GALNT7: variants seen among roughly 807,000 people sequenced by gnomAD.
GALNT7 encodes the protein N-acetylgalactosaminyltransferase 7.
Under a neutral mutation model 82.1 loss-of-function variants are expected in GALNT7, and 60 were observed. That is an observed-to-expected ratio of 0.73 (90% CI 0.59 to 0.91). GALNT7 has a LOEUF of 0.91. Ranked by LOEUF, GALNT7 falls within the 40% of genes least tolerant of loss-of-function variation. The probability of loss-of-function intolerance (pLI) is 0.00; values close to 1 mark genes in which losing one functional copy is unlikely to be tolerated. For missense variants in GALNT7, 660 were observed against 804.2 expected, an observed-to-expected ratio of 0.82 and a Z score of 2.17; for synonymous variants, 243 against 275.1, an observed-to-expected ratio of 0.88 and a Z score of 1.15.
chr4:173,269,859 A>G (rs1735659564), intron 2 of GALNT7, among the ~76,000 whole-genome samples: 1 of 152,202 alleles, frequency 6.6e-6, no homozygotes, highest in South Asian at 2.1e-4. Flanking sequence ...GTCCAATTTT[A>G]TAATCATGCA....
At chr4:173,174,660 T>C (rs1320995899) in intron 1 of GALNT7, among the ~76,000 whole-genome samples, 1 of 151,924 alleles carries the variant, frequency 6.6e-6, no homozygotes, top group African/African-American at 2.4e-5. Context: ...AGAATACTGA[T>C]AACACCTGAA....
chr4:173,256,694 G>A (rs1391226605), intron 2 of GALNT7, among the ~76,000 whole-genome samples: 1 of 152,080 alleles, frequency 6.6e-6, no homozygotes, highest in Non-Finnish European at 1.5e-5. Flanking sequence ...GCCTATAATT[G>A]CACCTAAAAG....
In GALNT7 at chr4:173,320,236, A is replaced by C. The variant is rs1737758143; in HGVS notation, c.1837-1344A>C. On this transcript the variant is annotated intron_variant, in intron 11 of 11. Coordinates refer to ENST00000265000, the MANE Select transcript of GALNT7 (RefSeq NM_017423.3). This position sits in a 1 kb window ranked among gnomAD's most constrained non-coding sequence, Gnocchi z 4.1. ...TCCTCTGGATTCCCTTTACACTCTT[A>C]AAAATTTTTGAGCTCCCCCACCCCC... Among the ~76,000 whole-genome samples the C allele has an allele frequency of 6.6e-6, 1 of 152,038 alleles. No homozygotes were observed. The highest frequency in any genetic ancestry group is 1.5e-5 in the Non-Finnish European group (1 of 67,994).
At chr4:173,237,193 C>A (rs761648242) in intron 1 of GALNT7, among the ~76,000 whole-genome samples, 3 of 151,888 alleles carry the variant, frequency 2.0e-5, no homozygotes, top group Non-Finnish European at 2.9e-5. Context: ...TATTTTTTTC[C>A]CTGGGGTGGT....
chr4:173,303,334 A>G (rs1345299592), intron 7 of GALNT7, among the ~76,000 whole-genome samples: 11 of 152,320 alleles, frequency 7.2e-5, no homozygotes, highest in African/African-American at 1.9e-4. Context: ...AAAAGTACAA[A>G]GAAGAGAACA....
chr4:173,249,878 G>A (rs1050134881), intron 2 of GALNT7, among the ~76,000 whole-genome samples: 2 of 152,136 alleles, frequency 1.3e-5, no homozygotes, highest in African/African-American at 4.8e-5. Flanking sequence ...CGAGTCCCTC[G>A]TCTAGAACGT....
chr4:173,234,809 CAAAAG>C (rs1218491310), intron 1 of GALNT7, among the ~76,000 whole-genome samples: 35 of 151,920 alleles, frequency 2.3e-4, no homozygotes, highest in Admixed American at 6.6e-5. Flanking sequence ...TAAAACAAAA[CAAAAG>C]AAAACAAAAA....
At chr4:173,183,817 C>G (rs995942801) in intron 1 of GALNT7, among the ~76,000 whole-genome samples, 1 of 151,038 alleles carries the variant, frequency 6.6e-6, no homozygotes, top group Non-Finnish European at 1.5e-5. Context: ...GCTGGCCGGG[C>G]GGGGACTGTC....
chr4:173,292,060 C>A lies in GALNT7; in HGVS notation c.588-48C>A, dbSNP rs765290908. ...CAAATATAGTCAGCTTGGAGCCAAG[C>A]AGTATAGATTACCTGTAAATAAATA... On this transcript the variant is annotated intron_variant, in intron 2 of 11. Coordinates refer to ENST00000265000, the MANE Select transcript of GALNT7 (RefSeq NM_017423.3). This position sits in a 1 kb window ranked among gnomAD's most constrained non-coding sequence, Gnocchi z 4.8. The A allele has an allele frequency of 7.9e-7, 1 of 1,265,928 alleles. No homozygotes were observed. The highest frequency in any genetic ancestry group is 1.1e-6 in the Non-Finnish European group (1 of 874,698). The allele number at this position is 1,265,928 out of a possible 1,614,324, so 78.4% of individuals were successfully genotyped here.
At chr4:173,317,571 A>G (rs1737648391) in intron 9 of GALNT7, 63 bp from the exon 10 acceptor site, 1 of 973,494 alleles carries the variant, frequency 1.0e-6, no homozygotes, top group Non-Finnish European at 1.7e-6. Context: ...TTAAATTCTG[A>G]TGCCAGAGTT....
rs555513948 is a variant in GALNT7 at position 173,279,228 on chromosome 4, G to T, written c.588-12880G>T. Among the ~76,000 whole-genome samples the T allele has an allele frequency of 4.6e-5, 7 of 152,274 alleles. No individual in the cohort carries two copies. The South Asian group carries it at 1.2e-3, about 27-fold the overall frequency. ...GAGGCCTCAGGAAGCTTACAATCAT[G>T]GCAGAAGGCAAAGGGGGAGCAGGTC... On this transcript the variant is annotated intron_variant, in intron 2 of 11. Coordinates refer to ENST00000265000, the MANE Select transcript of GALNT7 (RefSeq NM_017423.3).
At chr4:173,281,162 G>A (rs6854376) in intron 2 of GALNT7, among the ~76,000 whole-genome samples, 4,059 of 152,192 alleles carry the variant, frequency 0.027, 93 homozygotes, top group African/African-American at 0.066. Flanking sequence ...GTTTTAGATG[G>A]TTCTGGCCTG....
chr4:173,205,425 G>A (rs1054951653), intron 1 of GALNT7, among the ~76,000 whole-genome samples: 6 of 152,166 alleles, frequency 3.9e-5, no homozygotes, highest in Admixed American at 3.3e-4. Context: ...GGTCTGCTGG[G>A]CTGGGCCTGG....
At position 173,218,911 on chromosome 4, in the gene GALNT7, G is replaced by A. The variant is rs562788368; in HGVS notation, c.127-29069G>A. The stretch of plus-strand genomic sequence containing the variant: ...GGTATGCAAAGATAAATGAGTCATG[G>A]TCTCTCCCCTCAAGCAGTCACCAAC... On this transcript the variant is annotated intron_variant, in intron 1 of 11. Transcript: ENST00000265000. Among the ~76,000 whole-genome samples, 9 of 152,136 alleles carry A rather than the reference G, an allele frequency of 5.9e-5. No individual in the cohort carries two copies. The South Asian group carries it at 1.9e-3, about 32-fold the overall frequency.
intron 9 of GALNT7, among the ~76,000 whole-genome samples, chr4:173,315,122 C>T (rs1737543581): frequency 1.3e-5 from 2 of 152,162 alleles, no homozygotes; most frequent in South Asian, 4.1e-4. Flanking sequence ...GACATTCGCT[C>T]TCAGATCTGA....
At chr4:173,250,488 T>C (rs189176314) in intron 2 of GALNT7, among the ~76,000 whole-genome samples, 2 of 152,264 alleles carry the variant, frequency 1.3e-5, no homozygotes, top group East Asian at 3.9e-4. Flanking sequence ...CCCTTGGTTC[T>C]GCCACCAAAA....
intron 2 of GALNT7, among the ~76,000 whole-genome samples, chr4:173,273,785 T>C (rs370498108): frequency 6.6e-6 from 1 of 152,334 alleles, no homozygotes; most frequent in African/African-American, 2.4e-5. Flanking sequence ...CTTCTATTTT[T>C]AACTTTTGTA....
At chr4:173,265,587 ATCTCTCTCTCTCTCTC>A (rs59676800) in intron 2 of GALNT7, among the ~76,000 whole-genome samples, 2 of 117,966 alleles carry the variant, frequency 1.7e-5, no homozygotes, top group African/African-American at 3.4e-5. Flanking sequence ...TGGCGTAAGC[ATCTCTCTCTCTCTCTC>A]TCTCTCTCTC....
chr4:173,292,282 C>T lies in GALNT7; in HGVS notation c.754+8C>T, dbSNP rs1278104285. ...ACGATTTCAGTAATAAAGGTAATGG[C>T]TGTGAAACTCACATTTTGTCTATAA... On this transcript the variant is annotated splice_region_variant and intron_variant, in intron 3 of 11. Transcript: ENST00000265000. The surrounding 1 kb of genome is among the most constrained non-coding windows in gnomAD (Gnocchi z 4.8). The T allele has an allele frequency of 3.4e-6, 5 of 1,492,410 alleles. No individual in the cohort carries two copies. The highest frequency in any genetic ancestry group is 1.4e-5 in the African/African-American group (1 of 71,022). The allele number at this position is 1,492,410 out of a possible 1,614,324, so 92.4% of individuals were successfully genotyped here.
Sources: allele counts gnomAD v4.1 joint callset (sites outside exome capture counted in the v4.1 genomes callset), GRCh38; gene constraint gnomAD v4.1.1; non-coding constraint Gnocchi (gnomAD v3.1); transcripts MANE v1.5; gene names NCBI Gene and HGNC (gene_info 2026-07-23, HGNC 2026-07-21).